Variants in TRIP10 observed in about 807,000 individuals in gnomAD.
The protein encoded by TRIP10 is thyroid hormone receptor interactor 10, also known as cdc42-interacting protein 4.
TRIP10 carries 54 observed loss-of-function variants against 80.9 expected under a neutral mutation model. The ratio of observed to expected loss-of-function variants is 0.67; its 90% confidence interval spans 0.54 to 0.84. The LOEUF (loss-of-function observed/expected upper bound fraction) is 0.84, where lower values mean the gene tolerates loss of function less well. Among genes scored for constraint, TRIP10 ranks in the 40% least tolerant of loss-of-function variants. TRIP10 has a pLI of 0.00. For missense variants in TRIP10, 773 were observed against 815.3 expected (o/e 0.95, Z 0.63); for synonymous variants, 321 against 307.2 (o/e 1.04, Z -0.47).
rs143410597 is a variant in TRIP10 at position 6,750,038 on chromosome 19, G to A, written c.1367G>A (p.Arg456Gln). The A allele has an allele frequency of 3.5e-5, 56 of 1,613,648 alleles. No individual in the cohort carries two copies. The highest frequency in any genetic ancestry group is 2.9e-4 in the African/African-American group (22 of 74,782). ...GCTGAAACCCTGAGCAACATTGAACGGCTGAAATTGGAAGTGCAGAAGTAT... is the reference window on the plus strand; with the variant it reads ...GCTGAAACCCTGAGCAACATTGAACAGCTGAAATTGGAAGTGCAGAAGTAT... ...QIAETLSNIERLKLEVQKYEA... is the reference protein window; with the variant it reads ...QIAETLSNIEQLKLEVQKYEA... The change falls in exon 12 of 15, where the codon CGG (arginine) becomes CAG (glutamine). Residue 456 changes from arginine (R) to glutamine (Q), a missense_variant. Coordinates refer to ENST00000313244, the MANE Select transcript of TRIP10 (RefSeq NM_001288962.2).
At chr19:6,742,632 A>G (rs35071395) in intron 3 of TRIP10, among the ~76,000 whole-genome samples, 49,936 of 151,482 alleles carry the variant, frequency 0.33, 8,443 homozygotes, top group East Asian at 0.43. Context: ...GAAAAAAAAA[A>G]TTAGCCAGGT....
At chr19:6,747,382 A>G (rs1969167286) in intron 11 of TRIP10, among the ~76,000 whole-genome samples, 1 of 152,160 alleles carries the variant, frequency 6.6e-6, no homozygotes, top group African/African-American at 2.4e-5. Flanking sequence ...CAGCAAACAG[A>G]AAAAGTGTGA....
intron 6 of TRIP10, 28 bp downstream of exon 6, chr19:6,743,626 T>TGGGGGGGGGGGGGGGGGGGGGGGGGGG (rs1969001243): frequency 5.9e-6 from 5 of 850,858 alleles, no homozygotes; most frequent in East Asian, 3.4e-5. Context: ...GGGGGGGGGG[T>TGGGGGGGGGGGGGGGGGGGGGGGGGGG]GCGGGGTCTG....
Position 6,743,489 on chromosome 19 carries a change from C to G in TRIP10, c.409-5C>G, listed in dbSNP as rs1379964084. ...TCCCTCACTCCGGTTCTGTCCCCTA[C>G]ACAGAGTAAGCGTAAATTTGAGCGG... On this transcript the variant is annotated splice_polypyrimidine_tract_variant and splice_region_variant and intron_variant, in intron 5 of 14. Coordinates refer to ENST00000313244, the MANE Select transcript of TRIP10 (RefSeq NM_001288962.2). 1 of 1,613,666 alleles carries G rather than the reference C, an allele frequency of 6.2e-7. No individual in the cohort carries two copies. Among genetic ancestry groups the G allele is most frequent in the Non-Finnish European group, 8.5e-7 (1 of 1,179,730 alleles).
rs563220137 is a variant in TRIP10 at position 6,745,066 on chromosome 19, T to C, written c.984+72T>C. The C allele has an allele frequency of 1.3e-6, 2 of 1,518,398 alleles. No individual in the cohort carries two copies. The highest frequency in any genetic ancestry group is 4.1e-5 in the Admixed American group (2 of 49,144). The allele number at this position is 1,518,398 out of a possible 1,614,324, so 94.1% of individuals were successfully genotyped here. A position where few individuals can be genotyped will look rare whatever the true frequency, so the allele number is the denominator to read the frequency against. On this transcript the variant is annotated intron_variant, in intron 9 of 14. Transcript: ENST00000313244. This position sits in a 1 kb window ranked among gnomAD's most constrained non-coding sequence, Gnocchi z 7.2. The stretch of plus-strand genomic sequence containing the variant: ...TGGGGACAGTGGGGCCCCTATTGAG[T>C]CAGCCCCAGCCGCCTGAACGCCGAG...
At position 6,744,730 on chromosome 19, in the gene TRIP10, A is replaced by G. The variant is rs773226917; in HGVS notation, c.789+30A>G. Reference sequence around the variant, plus strand: ...GTGCCTGGTCTGGGTCCACTGGGCTACGGGAAGGGCAGAGGGAGGTACCCA... The same window carrying G: ...GTGCCTGGTCTGGGTCCACTGGGCTGCGGGAAGGGCAGAGGGAGGTACCCA... On this transcript the variant is annotated intron_variant, in intron 8 of 14. Coordinates refer to ENST00000313244, the MANE Select transcript of TRIP10 (RefSeq NM_001288962.2). This position sits in a 1 kb window ranked among gnomAD's most constrained non-coding sequence, Gnocchi z 4.9. 3 of 1,591,676 alleles carry G rather than the reference A, an allele frequency of 1.9e-6. No homozygotes were observed. The highest frequency in any genetic ancestry group is 1.3e-5 in the African/African-American group (1 of 74,712).
At chr19:6,749,084 C>A (rs1202466130) in intron 11 of TRIP10, among the ~76,000 whole-genome samples, 1 of 152,010 alleles carries the variant, frequency 6.6e-6, no homozygotes, top group Non-Finnish European at 1.5e-5. Context: ...CCTGCCCCCC[C>A]TTCTTTTTTT....
rs1175492915 is a variant in TRIP10, at chr19:6,750,435, AG to A, written c.1535+8del. The A allele has an allele frequency of 6.2e-7, 1 of 1,613,890 alleles. No individual in the cohort carries two copies. The highest frequency in any genetic ancestry group is 1.7e-5 in the Admixed American group (1 of 59,992). On this transcript the variant is annotated splice_donor_5th_base_variant and intron_variant, in intron 13 of 14. Coordinates refer to ENST00000313244, the MANE Select transcript of TRIP10 (RefSeq NM_001288962.2). ...CATCACAGGACACCAAGGAGAGGTGAGGGGTGACGTCAGAGTGGGTCTGTTC... is the reference window on the plus strand; with the variant it reads ...CATCACAGGACACCAAGGAGAGGTGAGGGTGACGTCAGAGTGGGTCTGTTC...
intron 13 of TRIP10, 35 bp downstream of exon 13, chr19:6,750,466 G>T: frequency 6.2e-7 from 1 of 1,613,836 alleles, no homozygotes; most frequent in Non-Finnish European, 8.5e-7. Context: ...CTGTTCCCAG[G>T]GTCCCAGGAG....
At position 6,746,483 on chromosome 19, in the gene TRIP10, C is replaced by T; in HGVS notation, c.1184C>T (p.Pro395Leu). The change falls in exon 11 of 15, where the codon CCC (proline) becomes CTC (leucine). Residue 395 changes from proline (P) to leucine (L), a missense_variant. Pro to Leu is a moderately conservative substitution (Grantham distance 98). Coordinates refer to ENST00000313244, the MANE Select transcript of TRIP10 (RefSeq NM_001288962.2). The surrounding 1 kb of genome is among the most constrained non-coding windows in gnomAD (Gnocchi z 6.2). ...GTGACCGAGGATTTTAGCCACTTGC[C>T]CCCAGAGCAGCAGCGAAAACGGCTT... Reference protein sequence around the residue: ...TVVTEDFSHLPPEQQRKRLQQ... With the variant: ...TVVTEDFSHLLPEQQRKRLQQ... 1 of 1,614,098 alleles carries T rather than the reference C, an allele frequency of 6.2e-7. No individual in the cohort carries two copies. The highest frequency in any genetic ancestry group is 8.5e-7 in the Non-Finnish European group (1 of 1,180,022).
chr19:6,744,420 C>T lies in TRIP10; in HGVS notation c.643-134C>T, dbSNP rs1435249712. The T allele has an allele frequency of 3.0e-6, 4 of 1,327,488 alleles. No homozygotes were observed. Among genetic ancestry groups the T allele is most frequent in the East Asian group, 2.3e-5 (1 of 43,110 alleles). The allele number at this position is 1,327,488 out of a possible 1,614,324, so 82.2% of individuals were successfully genotyped here. On this transcript the variant is annotated intron_variant, in intron 7 of 14. Transcript: ENST00000313244. The surrounding 1 kb of genome is among the most constrained non-coding windows in gnomAD (Gnocchi z 4.9). Reference sequence around the variant, plus strand: ...CACAGTGGGCTGGAGTCTCTCTTCCCGACTCTGTCTTCCCCTCCAGACTGG... The same window carrying T: ...CACAGTGGGCTGGAGTCTCTCTTCCTGACTCTGTCTTCCCCTCCAGACTGG...
Position 6,744,250 on chromosome 19 carries a change from A to T in TRIP10, c.643-304A>T, listed in dbSNP as rs1308954214. Among the ~76,000 whole-genome samples, 1 of 152,122 alleles carries T rather than the reference A, an allele frequency of 6.6e-6. No homozygotes were observed. The highest frequency in any genetic ancestry group is 2.4e-5 in the African/African-American group (1 of 41,402). ...AATCTAGCGCTCCACTCTCTGTCCCATCCGTGGCCCTGGGAGTATCAGGGC... is the reference window on the plus strand; with the variant it reads ...AATCTAGCGCTCCACTCTCTGTCCCTTCCGTGGCCCTGGGAGTATCAGGGC... On this transcript the variant is annotated intron_variant, in intron 7 of 14. Transcript: ENST00000313244. This position sits in a 1 kb window ranked among gnomAD's most constrained non-coding sequence, Gnocchi z 4.9.
chr19:6,741,263 A>C lies in TRIP10; in HGVS notation c.179A>C (p.Lys60Thr), dbSNP rs746636852. Residue 60 changes from lysine to threonine, a missense_variant, in exon 3 of 15, where the codon AAG (lysine) becomes ACG (threonine). By Grantham distance (78) the Lys-to-Thr change is moderately conservative (BLOSUM62 -1). Coordinates refer to ENST00000313244, the MANE Select transcript of TRIP10 (RefSeq NM_001288962.2). ...AAATATCTGCCCAAGAGACCTGCCA[A>C]GGATGATCCTGAGTCCAAGTAAGGT... ...VKKYLPKRPAKDDPESKFSQQ... is the reference protein window; with the variant it reads ...VKKYLPKRPATDDPESKFSQQ... 6 of 1,611,024 alleles carry C rather than the reference A, an allele frequency of 3.7e-6. 1 individual carries two copies. Among genetic ancestry groups the C allele is most frequent in the South Asian group, 1.1e-5 (1 of 90,668 alleles).
Position 6,746,087 on chromosome 19 carries a change from G to A in TRIP10, c.1043G>A (p.Gly348Glu), listed in dbSNP as rs1321566577. Reference sequence around the variant, plus strand: ...CCCGTACCCTCGGCATTGCCTAACGGACCCCCGTCCCCCCGCTCCGGCCGT... The same window carrying A: ...CCCGTACCCTCGGCATTGCCTAACGAACCCCCGTCCCCCCGCTCCGGCCGT... Reference protein sequence around the residue: ...GGPVPSALPNGPPSPRSGRDP... With the variant: ...GGPVPSALPNEPPSPRSGRDP... The change falls in exon 10 of 15, where the codon GGA becomes GAA. Residue 348 changes from glycine to glutamate, a missense_variant. Physicochemically the swap from Gly to Glu is moderately conservative, Grantham distance 98. Transcript: ENST00000313244. This position sits in a 1 kb window ranked among gnomAD's most constrained non-coding sequence, Gnocchi z 6.2. 116 of 1,528,844 alleles carry A rather than the reference G, an allele frequency of 7.6e-5. No homozygotes were observed. Among genetic ancestry groups the A allele is most frequent in the Non-Finnish European group, 9.6e-5 (109 of 1,136,912 alleles). The allele number at this position is 1,528,844 out of a possible 1,614,324, so 94.7% of individuals were successfully genotyped here.
chr19:6,746,015 GC>G lies in TRIP10; in HGVS notation c.985-9del, dbSNP rs748455362. On this transcript the variant is annotated splice_polypyrimidine_tract_variant and intron_variant, in intron 9 of 14. Transcript: ENST00000313244. This position sits in a 1 kb window ranked among gnomAD's most constrained non-coding sequence, Gnocchi z 6.2. ...CCCCTTCAACCTATCCCCCTCCCCG[GC>G]CCCCGCCGGTAGCCTCGCCCCCCAC... The G allele has an allele frequency of 2.7e-4, 167 of 615,974 alleles. 2 individuals carry two copies. In the East Asian group the frequency reaches 0.014, roughly 53 times the overall value. The allele number at this position is 615,974 out of a possible 1,614,324, so 38.2% of individuals were successfully genotyped here. A position where few individuals can be genotyped will look rare whatever the true frequency, so the allele number is the denominator to read the frequency against.
Position 6,745,135 on chromosome 19 carries a change from GGGAA to G in TRIP10, c.984+148_984+151del. 1 of 1,194,684 alleles carries G rather than the reference GGGAA, an allele frequency of 8.4e-7. No individual in the cohort carries two copies. Among genetic ancestry groups the G allele is most frequent in the Non-Finnish European group, 1.1e-6 (1 of 898,808 alleles). The allele number at this position is 1,194,684 out of a possible 1,614,324, so 74.0% of individuals were successfully genotyped here. On this transcript the variant is annotated intron_variant, in intron 9 of 14. Coordinates refer to ENST00000313244, the MANE Select transcript of TRIP10 (RefSeq NM_001288962.2). The surrounding 1 kb of genome is among the most constrained non-coding windows in gnomAD (Gnocchi z 7.2). ...CTCTTGGCTGCCAGCCCGGACTGGA[GGGAA>G]GGAAGGCGGCCGATTGGCCTGGGAG...
rs763860073 is a variant in TRIP10 at position 6,746,454 on chromosome 19, A to C, written c.1155A>C (p.Thr385=). 4 of 1,614,104 alleles carry C rather than the reference A, an allele frequency of 2.5e-6. No homozygotes were observed. The highest frequency in any genetic ancestry group is 2.2e-5 in the South Asian group (2 of 91,076). The change falls in exon 11 of 15, where the codon ACA becomes ACC. Residue 385 remains threonine, a splice_region_variant and synonymous_variant. Transcript: ENST00000313244. This position sits in a 1 kb window ranked among gnomAD's most constrained non-coding sequence, Gnocchi z 6.2. ...SFRSLRGSRG[T]VVTEDFSHLP... ...TCAGCCCTCTACCCACCTTGCAGAC[A>C]GTGGTGACCGAGGATTTTAGCCACT...
In TRIP10 at chr19:6,741,295, G is replaced by C; in HGVS notation, c.197+14G>C. ...TCCTGAGTCCAAGTAAGGTTGGAGA[G>C]GGGCTGCAGGGCTAGATTTGTGGGG... On this transcript the variant is annotated intron_variant, in intron 3 of 14. Transcript: ENST00000313244. The C allele has an allele frequency of 6.2e-7, 1 of 1,601,762 alleles. No individual in the cohort carries two copies. The highest frequency in any genetic ancestry group is 8.5e-7 in the Non-Finnish European group (1 of 1,173,896).
intron 3 of TRIP10, 28 bp from the exon 4 acceptor site, chr19:6,742,939 C>T: frequency 1.2e-6 from 2 of 1,611,680 alleles, no homozygotes; most frequent in Non-Finnish European, 1.7e-6. Context: ...GCCTGACTCC[C>T]TGTTCCCCGA....
Sources: gnomAD v4.1 joint callset for allele counts (sites outside exome capture counted in the v4.1 genomes callset) on GRCh38, gnomAD v4.1.1 for gene constraint, Gnocchi (gnomAD v3.1) non-coding constraint, MANE v1.5 for transcripts, NCBI Gene and HGNC (gene_info 2026-07-23, HGNC 2026-07-21) for gene names.